TENM3: variants seen among roughly 807,000 people sequenced by gnomAD.
TENM3 encodes teneurin-3.
Under a neutral mutation model 255.1 loss-of-function variants are expected in TENM3, and 63 were observed. The observed-to-expected ratio is 0.25, with a 90% CI of 0.20 to 0.30. TENM3 has a LOEUF of 0.30. Among genes scored for constraint, TENM3 ranks in the 10% least tolerant of loss-of-function variants. The pLI is 1.00. For synonymous variants in TENM3, 1,306 were observed against 1,322.3 expected (o/e 0.99, Z 0.27); for missense variants, 2,929 against 3,461.1 (o/e 0.85, Z 3.86).
intron 22 of TENM3, among the ~76,000 whole-genome samples, chr4:182,766,082 C>T (rs578064700): frequency 3.1e-4 from 47 of 152,306 alleles, no homozygotes; most frequent in African/African-American, 1.1e-3. Flanking sequence ...AAGCCTGGCA[C>T]AGCCCTCCTT....
the TENM3 span, among the ~76,000 whole-genome samples, chr4:181,681,989 G>A: frequency 6.6e-6 from 1 of 152,054 alleles, no homozygotes; most frequent in Non-Finnish European, 1.5e-5. Flanking sequence ...GCTAGCAAAT[G>A]TCATACATGA....
the TENM3 span, among the ~76,000 whole-genome samples, chr4:181,600,633 C>T: frequency 6.6e-5 from 10 of 151,708 alleles, no homozygotes; most frequent in South Asian, 2.1e-4. Flanking sequence ...GATTGCCTGG[C>T]CCTTGATGCT....
At chr4:182,455,473 A>G (rs534389686) in intron 3 of TENM3, among the ~76,000 whole-genome samples, 1 of 150,798 alleles carries the variant, frequency 6.6e-6, no homozygotes, top group Non-Finnish European at 1.5e-5. Flanking sequence ...CCTTCGCACC[A>G]GTATTTTCGC....
chr4:182,469,985 G>A (rs538695185), intron 3 of TENM3, among the ~76,000 whole-genome samples: 17 of 152,154 alleles, frequency 1.1e-4, no homozygotes, highest in Non-Finnish European at 2.2e-4. Context: ...AATATCCAGC[G>A]GGGACAGGGC....
the TENM3 span, among the ~76,000 whole-genome samples, chr4:181,694,394 C>T: frequency 6.6e-6 from 1 of 152,184 alleles, no homozygotes; most frequent in Non-Finnish European, 1.5e-5. Flanking sequence ...TGGGCTAGAT[C>T]TAAGGATAAA....
rs149815252 is a variant in TENM3 at position 182,777,730 on chromosome 4, G to A, written c.5304+2577G>A. On this transcript the variant is annotated intron_variant, in intron 24 of 27. Coordinates refer to ENST00000511685, the MANE Select transcript of TENM3 (RefSeq NM_001080477.4). Reference sequence around the variant, plus strand: ...ACGCCACCATGCCCGGCTAATTTTTGTATTTTTAGTAGAGACGGAGTTTTA... The same window carrying A: ...ACGCCACCATGCCCGGCTAATTTTTATATTTTTAGTAGAGACGGAGTTTTA... Among the ~76,000 whole-genome samples the A allele has an allele frequency of 4.0e-3, 597 of 150,086 alleles. 5 individuals carry two copies. Among genetic ancestry groups the A allele is most frequent in the African/African-American group, 0.014 (557 of 40,936 alleles).
At chr4:182,597,919 C>A (rs1747423371) in intron 3 of TENM3, among the ~76,000 whole-genome samples, 1 of 152,184 alleles carries the variant, frequency 6.6e-6, no homozygotes, top group Non-Finnish European at 1.5e-5. Context: ...GTGGCTCATG[C>A]CTGTAATCCC....
intron 12 of TENM3, among the ~76,000 whole-genome samples, chr4:182,698,519 G>C (rs557646059): frequency 1.3e-4 from 20 of 152,332 alleles, no homozygotes; most frequent in African/African-American, 4.8e-4. Context: ...TTCTGCACCT[G>C]ACTTGCTGTG....
chr4:182,418,721 C>T (rs1306143828), intron 3 of TENM3, among the ~76,000 whole-genome samples: 1 of 152,130 alleles, frequency 6.6e-6, no homozygotes, highest in Non-Finnish European at 1.5e-5. Flanking sequence ...ACCACAACAC[C>T]AAGCTAATTT....
At chr4:182,092,390 A>G in the TENM3 span, among the ~76,000 whole-genome samples, 1 of 151,904 alleles carries the variant, frequency 6.6e-6, no homozygotes, top group East Asian at 2.0e-4. Flanking sequence ...GCTCATGCCT[A>G]TAATCCCAGA....
chr4:181,485,603 A>T, the TENM3 span, among the ~76,000 whole-genome samples: 1 of 152,166 alleles, frequency 6.6e-6, no homozygotes, highest in South Asian at 2.1e-4. Flanking sequence ...TATATTTTCC[A>T]ATACTAAAGT....
intron 3 of TENM3, among the ~76,000 whole-genome samples, chr4:182,540,460 A>G (rs1281928069): frequency 2.0e-5 from 3 of 152,164 alleles, no homozygotes; most frequent in African/African-American, 7.2e-5. Context: ...ATGGTGGCGC[A>G]TGCCTGTAAC....
intron 11 of TENM3, among the ~76,000 whole-genome samples, chr4:182,682,928 A>G (rs1756286730): frequency 6.6e-6 from 1 of 152,332 alleles, no homozygotes; most frequent in East Asian, 1.9e-4. Flanking sequence ...TGAGTGTTAC[A>G]TGGAATATTA....
At chr4:182,743,143 A>G in intron 18 of TENM3, 27 bp from the exon 19 acceptor site, 1 of 1,567,122 alleles carries the variant, frequency 6.4e-7, no homozygotes, top group Non-Finnish European at 8.7e-7. Context: ...TCATCATAAG[A>G]AAAACAATGC....
At chr4:182,324,334 G>A in intron 2 of TENM3, 82 bp downstream of exon 2, 1 of 1,056,152 alleles carries the variant, frequency 9.5e-7, no homozygotes, top group Non-Finnish European at 1.5e-6. Context: ...AAGGTGACAT[G>A]TCTGTTTTCT....
chr4:182,016,116 T>C, the TENM3 span, among the ~76,000 whole-genome samples: 54 of 152,316 alleles, frequency 3.5e-4, no homozygotes, highest in African/African-American at 1.3e-3. Flanking sequence ...TGTTGGGTTT[T>C]TTCCTGGTTG....
At chr4:181,540,375 A>G in the TENM3 span, among the ~76,000 whole-genome samples, 2 of 152,336 alleles carry the variant, frequency 1.3e-5, no homozygotes, top group Admixed American at 6.5e-5. Flanking sequence ...AAAATTCTAA[A>G]TGATTTATAT....
At chr4:182,209,292 A>C (rs1463342089) in intron 1 of TENM3, among the ~76,000 whole-genome samples, 1 of 152,016 alleles carries the variant, frequency 6.6e-6, no homozygotes, top group African/African-American at 2.4e-5. Flanking sequence ...TAAAAAAAAA[A>C]AAAAAATCGT....
chr4:181,776,236 G>T, the TENM3 span, among the ~76,000 whole-genome samples: 2 of 151,946 alleles, frequency 1.3e-5, no homozygotes, highest in African/African-American at 4.8e-5. Context: ...CATCCACGTC[G>T]CTGTAAATGA....
Sources: gnomAD v4.1 joint callset for allele counts (sites outside exome capture counted in the v4.1 genomes callset) on GRCh38, gnomAD v4.1.1 for gene constraint, MANE v1.5 for transcripts, NCBI Gene and HGNC (gene_info 2026-07-23, HGNC 2026-07-21) for gene names.